Variants in SPOCK2 observed in about 807,000 individuals in gnomAD.
SPOCK2 encodes the protein SPARC (osteonectin), cwcv and kazal like domains proteoglycan 2.
In SPOCK2, 39 loss-of-function variants were observed where a neutral mutation model predicts 60.1. The observed-to-expected ratio is 0.65, with a 90% CI of 0.50 to 0.85. SPOCK2 has a LOEUF of 0.85. SPOCK2 is among the 40% of genes least tolerant of loss of function. SPOCK2 has a pLI of 0.00. For synonymous variants in SPOCK2, 217 were observed against 231.5 expected (o/e 0.94, Z 0.57); for missense variants, 523 against 567.4 (o/e 0.92, Z 0.80).
intron 1 of SPOCK2, among the ~76,000 whole-genome samples, chr10:72,075,364 C>T (rs889202401): frequency 6.6e-6 from 1 of 152,006 alleles, no homozygotes; most frequent in African/African-American, 2.4e-5. Flanking sequence ...CATACCTGCC[C>T]TCAACCAACA....
chr10:72,079,131 G>A (rs7089458), intron 1 of SPOCK2, among the ~76,000 whole-genome samples: 21,604 of 152,222 alleles, frequency 0.14, 1,552 homozygotes, highest in Admixed American at 0.2. Context: ...GGCTCAGAGA[G>A]GTTAAGTGAC....
rs150653253 is a variant in SPOCK2 at position 72,066,886 on chromosome 10, G to C, written c.928+16C>G. The C allele has an allele frequency of 4.4e-5, 71 of 1,613,764 alleles. No individual in the cohort carries two copies. In the African/African-American group the frequency reaches 6.7e-4, roughly 15 times the overall value. ...ACACGGGTGAGGCAGGGGCCTGGGA[G>C]GGGGGCTGCACTCACTCTCCCTCCA... On this transcript the variant is annotated intron_variant, in intron 8 of 10. Coordinates refer to ENST00000373109, the MANE Select transcript of SPOCK2 (RefSeq NM_001244950.2).
At chr10:72,068,616 CT>C in intron 5 of SPOCK2, 1 of 349,676 alleles carries the variant, frequency 2.9e-6, no homozygotes, top group Non-Finnish European at 5.2e-6. Flanking sequence ...TCCCCTGCCC[CT>C]GTCGCCCTTC....
intron 9 of SPOCK2, among the ~76,000 whole-genome samples, 153 bp from the exon 10 acceptor site, chr10:72,063,315 T>G (rs1054048580): frequency 6.6e-6 from 1 of 152,016 alleles, no homozygotes; most frequent in Admixed American, 6.5e-5. Context: ...GCCCAGATGC[T>G]GAGAGCTGGA....
chr10:72,062,934 G>A lies in SPOCK2; in HGVS notation c.1130-29C>T. On this transcript the variant is annotated intron_variant, in intron 10 of 10. Coordinates refer to ENST00000373109, the MANE Select transcript of SPOCK2 (RefSeq NM_001244950.2). The surrounding 1 kb of genome is among the most constrained non-coding windows in gnomAD (Gnocchi z 4.3). ...TGAGGGGATCAAGCCAACAGGGGGT[G>A]AGGGAGCTTCTGGCACGCACCCCCC... 6.3e-7 allele frequency: 1 copy of A among 1,593,572 alleles called. No homozygotes were observed.
At position 72,062,791 on chromosome 10, in the gene SPOCK2, C is replaced by A. The variant is rs1216951200; in HGVS notation, c.1244G>T (p.Gly415Val). Reference sequence around the variant, plus strand: ...GATGTAGCCCCCGTCGTCAGCCTCGCCTGCCTCGCCCTCCTCCTCCTCGGC... The same window carrying A: ...GATGTAGCCCCCGTCGTCAGCCTCGACTGCCTCGCCCTCCTCCTCCTCGGC... Reference protein sequence around the residue: ...EEAEEEEGEAGEADDGGYIW With the variant: ...EEAEEEEGEAVEADDGGYIW Residue 415 changes from glycine (G) to valine (V), a missense_variant, in exon 11 of 11, where the codon GGC (glycine) becomes GTC (valine). By Grantham distance (109) the Gly-to-Val change is moderately radical (BLOSUM62 -3). Coordinates refer to ENST00000373109, the MANE Select transcript of SPOCK2 (RefSeq NM_001244950.2). This position sits in a 1 kb window ranked among gnomAD's most constrained non-coding sequence, Gnocchi z 4.3. The A allele has an allele frequency of 6.2e-7, 1 of 1,608,874 alleles. No individual in the cohort carries two copies. The highest frequency in any genetic ancestry group is 2.2e-5 in the East Asian group (1 of 44,886).
At position 72,087,003 on chromosome 10, in the gene SPOCK2, A is replaced by T; in HGVS notation, c.189+1137T>A. The T allele has an allele frequency of 6.4e-7, 1 of 1,551,368 alleles. No individual in the cohort carries two copies. The highest frequency in any genetic ancestry group is 8.7e-7 in the Non-Finnish European group (1 of 1,146,896). Reference sequence around the variant, plus strand: ...GTCGGACGAGGGAACCTGGGGAAGGAGGAGTAAGGGCCAGGGTCCTAGAAG... The same window carrying T: ...GTCGGACGAGGGAACCTGGGGAAGGTGGAGTAAGGGCCAGGGTCCTAGAAG... On this transcript the variant is annotated intron_variant, in intron 1 of 10. Transcript: ENST00000373109. The surrounding 1 kb of genome is among the most constrained non-coding windows in gnomAD (Gnocchi z 4.7).
In SPOCK2 at chr10:72,087,659, C is replaced by T. The variant is rs1280857945; in HGVS notation, c.189+481G>A. ...AAGCCCACGGTGGGAACAGAGGGCACCGCGCGAGCCGATGCCACCCTCACT... is the reference window on the plus strand; with the variant it reads ...AAGCCCACGGTGGGAACAGAGGGCATCGCGCGAGCCGATGCCACCCTCACT... On this transcript the variant is annotated intron_variant, in intron 1 of 10. Transcript: ENST00000373109. This position sits in a 1 kb window ranked among gnomAD's most constrained non-coding sequence, Gnocchi z 4.7. 3.9e-5 allele frequency among the ~76,000 whole-genome samples: 6 copies of T among 152,192 alleles called. No individual in the cohort carries two copies. Among genetic ancestry groups the T allele is most frequent in the Non-Finnish European group, 2.9e-5 (2 of 68,002 alleles).
At chr10:72,078,290 C>T (rs1293068854) in intron 1 of SPOCK2, among the ~76,000 whole-genome samples, 4 of 152,028 alleles carry the variant, frequency 2.6e-5, no homozygotes, top group Admixed American at 1.3e-4. Context: ...CCAAGGCGGG[C>T]GGATCACGAG....
Position 72,070,271 on chromosome 10 carries a change from G to A in SPOCK2, c.474+41C>T, listed in dbSNP as rs1313830992. The A allele has an allele frequency of 2.5e-6, 4 of 1,600,654 alleles. No homozygotes were observed. The Admixed American group carries it at 5.0e-5, about 20-fold the overall frequency. On this transcript the variant is annotated intron_variant, in intron 5 of 10. Coordinates refer to ENST00000373109, the MANE Select transcript of SPOCK2 (RefSeq NM_001244950.2). ...TCCTTTCTGCTTCCTGTGGCCTCAG[G>A]TGACTCCACCCCCACCCTACCTGGG...
rs111643095 is a variant in SPOCK2, at chr10:72,062,537, C to CCACA, written c.*219_*222dup. On this transcript the variant is annotated 3_prime_UTR_variant, in exon 11 of 11. Transcript: ENST00000373109. The surrounding 1 kb of genome is among the most constrained non-coding windows in gnomAD (Gnocchi z 4.3). The stretch of plus-strand genomic sequence containing the variant: ...TCAAGGACACATTTGTCAGCGCATG[C>CCACA]CACACACACACACACATACACACAT... 42 of 753,054 alleles carry CCACA rather than the reference C, an allele frequency of 5.6e-5. No individual in the cohort carries two copies. Among genetic ancestry groups the CCACA allele is most frequent in the Non-Finnish European group, 6.9e-5 (35 of 505,994 alleles). The allele number at this position is 753,054 out of a possible 1,614,324, so 46.6% of individuals were successfully genotyped here.
intron 1 of SPOCK2, among the ~76,000 whole-genome samples, chr10:72,073,137 T>A (rs760198626): frequency 6.6e-6 from 1 of 151,942 alleles, no homozygotes; most frequent in Non-Finnish European, 1.5e-5. Context: ...GCCTTAGGAG[T>A]AGCAGGGGCC....
At chr10:72,082,123 G>A (rs761385974) in intron 1 of SPOCK2, among the ~76,000 whole-genome samples, 1 of 152,242 alleles carries the variant, frequency 6.6e-6, no homozygotes, top group Non-Finnish European at 1.5e-5. Context: ...CGCAGTGTAA[G>A]TGATGCTATG....
In SPOCK2 at chr10:72,060,885, G is replaced by A. The variant is rs1840483280; in HGVS notation, c.*1875C>T. ...AGACAGGATGAGGCTCTTCTGTAAA[G>A]TCCAACAGACGCTCACAGATGCTGG... On this transcript the variant is annotated 3_prime_UTR_variant, in exon 11 of 11. Coordinates refer to ENST00000373109, the MANE Select transcript of SPOCK2 (RefSeq NM_001244950.2). 2 of 152,238 alleles carry A rather than the reference G, an allele frequency of 1.3e-5. No individual in the cohort carries two copies. Among genetic ancestry groups the A allele is most frequent in the South Asian group, 4.1e-4 (2 of 4,826 alleles). The allele number at this position is 152,238 out of a possible 1,614,324, so 9.4% of individuals were successfully genotyped here. A position where few individuals can be genotyped will look rare whatever the true frequency, so the allele number is the denominator to read the frequency against.
chr10:72,086,300 T>TG (rs1840853992), intron 1 of SPOCK2: 1 of 988,844 alleles, frequency 1.0e-6, no homozygotes, highest in African/African-American at 1.7e-5. Context: ...GAGAGACAGG[T>TG]GGGTAGCCCA....
chr10:72,076,076 A>G (rs1840711786), intron 1 of SPOCK2, among the ~76,000 whole-genome samples: 1 of 152,168 alleles, frequency 6.6e-6, no homozygotes, highest in African/African-American at 2.4e-5. Flanking sequence ...AGGGACAGAG[A>G]TGCCACATGA....
rs1475509782 is a variant in SPOCK2 at position 72,063,106 on chromosome 10, G to C, written c.1048C>G (p.Gln350Glu). Residue 350 changes from glutamine (Q) to glutamate (E), a missense_variant, in exon 10 of 11, where the codon CAG (glutamine) becomes GAG (glutamate). Physicochemically the swap from Gln to Glu is conservative, Grantham distance 29. Coordinates refer to ENST00000373109, the MANE Select transcript of SPOCK2 (RefSeq NM_001244950.2). The stretch of plus-strand genomic sequence containing the variant: ...ACACACCAGCAGTCACCGCTGCTCT[G>C]GTCACACTGCATCTTCCGGTAGTAG... ...DGYYRKMQCD[Q>E]SSGDCWCVDQ... 1 of 1,555,788 alleles carries C rather than the reference G, an allele frequency of 6.4e-7. No individual in the cohort carries two copies. The highest frequency in any genetic ancestry group is 1.9e-5 in the Admixed American group (1 of 51,680).
rs1396398710 is a variant in SPOCK2 at position 72,072,491 on chromosome 10, G to C, written c.244+12C>G. On this transcript the variant is annotated intron_variant, in intron 3 of 10. Coordinates refer to ENST00000373109, the MANE Select transcript of SPOCK2 (RefSeq NM_001244950.2). ...TGTCAGTCACCTTCCCCCGCCGGGA[G>C]AGTCATGTTACCTTCATCTCCTTGC... 3 of 1,613,822 alleles carry C rather than the reference G, an allele frequency of 1.9e-6. No homozygotes were observed. The highest frequency in any genetic ancestry group is 2.5e-6 in the Non-Finnish European group (3 of 1,180,020).
At chr10:72,086,555 G>A (rs1331833719) in intron 1 of SPOCK2, 64 of 1,139,146 alleles carry the variant, frequency 5.6e-5, no homozygotes, top group South Asian at 1.9e-5. Flanking sequence ...CCGCCCCCTC[G>A]CTGCTGTGGC....
Sources: gnomAD v4.1 joint callset for allele counts (sites outside exome capture counted in the v4.1 genomes callset) on GRCh38, gnomAD v4.1.1 for gene constraint, Gnocchi (gnomAD v3.1) non-coding constraint, MANE v1.5 for transcripts, NCBI Gene and HGNC (gene_info 2026-07-23, HGNC 2026-07-21) for gene names.